ATM: variants seen among roughly 807,000 people sequenced by gnomAD.
The protein encoded by ATM is serine-protein kinase ATM.
ATM carries 308 observed loss-of-function variants against 387.0 expected under a neutral mutation model. That is an observed-to-expected ratio of 0.80 (90% CI 0.73 to 0.87). The LOEUF (loss-of-function observed/expected upper bound fraction) is 0.87, where lower values mean the gene tolerates loss of function less well. ATM is among the 40% of genes least tolerant of loss of function. ATM has a pLI of 0.00. For synonymous variants in ATM, 1,156 were observed against 1,187.3 expected (o/e 0.97, Z 0.54); for missense variants, 3,312 against 3,560.9 (o/e 0.93, Z 1.78).
At chr11:108,262,133 T>C (rs370317581) in intron 16 of ATM, among the ~76,000 whole-genome samples, 21 of 151,934 alleles carry the variant, frequency 1.4e-4, no homozygotes, top group Admixed American at 3.9e-4. Context: ...ATACAGAGAA[T>C]GCCACAAAGA....
At chr11:108,300,052 A>G (rs898022657) in intron 34 of ATM, among the ~76,000 whole-genome samples, 167 bp downstream of exon 34, 1 of 152,186 alleles carries the variant, frequency 6.6e-6, no homozygotes, top group Non-Finnish European at 1.5e-5. Flanking sequence ...TATTTACCCT[A>G]CTATGTGCCA....
At chr11:108,237,702 G>A (rs1420633180) in intron 5 of ATM, among the ~76,000 whole-genome samples, 1 of 152,104 alleles carries the variant, frequency 6.6e-6, no homozygotes, top group East Asian at 1.9e-4. Context: ...TTTAGTGTGA[G>A]ATGAGAAGAA....
rs372017113 is a variant in ATM, at chr11:108,329,294, T to C, written c.7307+56T>C. 1.5e-5 allele frequency: 22 copies of C among 1,463,760 alleles called. No individual in the cohort carries two copies. The African/African-American group carries it at 2.8e-4, about 19-fold the overall frequency. The allele number at this position is 1,463,760 out of a possible 1,614,324, so 90.7% of individuals were successfully genotyped here. On this transcript the variant is annotated intron_variant, in intron 49 of 62. Coordinates refer to ENST00000675843, the MANE Select transcript of ATM (RefSeq NM_000051.4). ...TGTTCACCAGTTAACTGAGTGAGTG[T>C]TTTTGCATAGAAAGAGTGACTTGGT...
At chr11:108,223,868 C>G (rs1048155198) in intron 1 of ATM, 2 of 152,184 alleles carry the variant, frequency 1.3e-5, no homozygotes, top group Non-Finnish European at 2.9e-5. Flanking sequence ...AGGAAAAATG[C>G]GTGTAAAGGC....
chr11:108,339,241 G>T (rs750002583), intron 56 of ATM, among the ~76,000 whole-genome samples: 3 of 152,184 alleles, frequency 2.0e-5, no homozygotes, highest in Non-Finnish European at 2.9e-5. Context: ...AATCTTAGGT[G>T]TCAGAGGATT....
chr11:108,334,425 CTCTGT>C (rs2086611171), intron 54 of ATM, among the ~76,000 whole-genome samples: 1 of 152,154 alleles, frequency 6.6e-6, no homozygotes, highest in Non-Finnish European at 1.5e-5. Context: ...ATACACTTAG[CTCTGT>C]TCTAATATTC....
chr11:108,319,850 A>C, intron 43 of ATM, 104 bp from the exon 44 acceptor site: 1 of 778,618 alleles, frequency 1.3e-6, no homozygotes, highest in South Asian at 1.6e-5. Context: ...TTTAGAATGG[A>C]GAAATGTTAA....
rs558110659 is a variant in ATM, at chr11:108,354,425, C to T, written c.8787-386C>T. On this transcript the variant is annotated intron_variant, in intron 60 of 62. Transcript: ENST00000675843. ...TGTGTTCTAGTATAACATTGTGCTA[C>T]TAAAAAAGCTTTGCAGTTCCTTGTA... Among the ~76,000 whole-genome samples, 35 of 152,246 alleles carry T rather than the reference C, an allele frequency of 2.3e-4. No individual in the cohort carries two copies. In the South Asian group the frequency reaches 6.6e-3, roughly 29 times the overall value.
chr11:108,301,755 C>T lies in ATM; in HGVS notation c.5285C>T (p.Ala1762Val), dbSNP rs1272524343. The T allele has an allele frequency of 1.2e-6, 2 of 1,613,562 alleles. No individual in the cohort carries two copies. Among genetic ancestry groups the T allele is most frequent in the Non-Finnish European group, 1.7e-6 (2 of 1,179,718 alleles). The change falls in exon 35 of 63, where the codon GCC (alanine) becomes GTC (valine). Residue 1762 changes from alanine (A) to valine (V), a missense_variant. Ala to Val is a moderately conservative substitution (Grantham distance 64, BLOSUM62 0). Around this residue, in one of 4 missense-constraint regions of ATM, gnomAD observed 1,405 missense variants for 1,604.4 expected, o/e 0.88. Coordinates refer to ENST00000675843, the MANE Select transcript of ATM (RefSeq NM_000051.4). ...IYKMTTDPML[A>V]YLQPFRTSRK... ...AAGATGACAACAGATCCAATGCTGGCCTATCTACAGCCTTTTAGAACATCA... is the reference window on the plus strand; with the variant it reads ...AAGATGACAACAGATCCAATGCTGGTCTATCTACAGCCTTTTAGAACATCA...
chr11:108,234,422 T>C (rs2079167227), intron 4 of ATM, among the ~76,000 whole-genome samples: 1 of 152,226 alleles, frequency 6.6e-6, no homozygotes, highest in East Asian at 1.9e-4. Flanking sequence ...GTAAATATAA[T>C]TTACTGAAAA....
rs1213190389 is a variant in ATM at position 108,289,724 on chromosome 11, A to T, written c.4359A>T (p.Ile1453=). 1 of 1,613,674 alleles carries T rather than the reference A, an allele frequency of 6.2e-7. No individual in the cohort carries two copies. Among genetic ancestry groups the T allele is most frequent in the African/African-American group, 1.3e-5 (1 of 74,940 alleles). The change falls in exon 29 of 63, where the codon ATA becomes ATT. Residue 1453 remains isoleucine, a synonymous_variant. Transcript: ENST00000675843. The part of the protein sequence containing the change: ...HLFVSLLLKD[I]KSGLGGAWAF... ...TTGTTAGTTTATTACTGAAAGATAT[A>T]AAAAGTGGCTTAGGAGGAGCTTGGG... is the stretch of plus-strand genomic sequence containing the variant.
chr11:108,226,731 G>A (rs1208341834), intron 1 of ATM: 4 of 151,304 alleles, frequency 2.6e-5, no homozygotes, highest in East Asian at 1.9e-4. Flanking sequence ...TCTTTGAGAC[G>A]GAGTCTTGCT....
intron 59 of ATM, among the ~76,000 whole-genome samples, chr11:108,353,018 A>C (rs2089399441): frequency 6.6e-6 from 1 of 152,204 alleles, no homozygotes; most frequent in South Asian, 2.1e-4. Flanking sequence ...TCTTGACTGC[A>C]TCGATGTCAG....
Position 108,347,374 on chromosome 11 carries a change from TA to T in ATM, c.8671+13del. On this transcript the variant is annotated intron_variant, in intron 59 of 62. Coordinates refer to ENST00000675843, the MANE Select transcript of ATM (RefSeq NM_000051.4). ...TGTACATATAGATCTAGGTAAGTAA[TA>T]AAATCTATGTATCTATTCTTTTTAG... 1 of 1,561,832 alleles carries T rather than the reference TA, an allele frequency of 6.4e-7. No individual in the cohort carries two copies. The highest frequency in any genetic ancestry group is 8.8e-7 in the Non-Finnish European group (1 of 1,133,166).
At chr11:108,269,181 C>T (rs1005760296) in intron 18 of ATM, among the ~76,000 whole-genome samples, 2 of 152,154 alleles carry the variant, frequency 1.3e-5, no homozygotes, top group Non-Finnish European at 2.9e-5. Flanking sequence ...TCTGTTTAGC[C>T]ACAGTATAAT....
At chr11:108,332,729 C>G (rs762757009) in intron 52 of ATM, 33 bp from the exon 53 acceptor site, 5 of 1,601,684 alleles carry the variant, frequency 3.1e-6, no homozygotes, top group Non-Finnish European at 4.3e-6. Context: ...TTGGGTAGTT[C>G]CTTATGTAAT....
intron 37 of ATM, among the ~76,000 whole-genome samples, chr11:108,306,633 T>C (rs1182864150): frequency 6.6e-6 from 1 of 152,222 alleles, no homozygotes; most frequent in Non-Finnish European, 1.5e-5. Flanking sequence ...TTTTATTACC[T>C]TAAGTGAAAA....
chr11:108,281,092 T>A lies in ATM; in HGVS notation c.3500T>A (p.Ile1167Asn). The A allele has an allele frequency of 6.2e-7, 1 of 1,614,050 alleles. No homozygotes were observed. The highest frequency in any genetic ancestry group is 8.5e-7 in the Non-Finnish European group (1 of 1,179,972). ...LIAVVLSCSP[I>N]CEKQALFALC... ...GCTGTGGTTTTATCCTGTAGCCCTA[T>A]CTGCGAAAAACAGGCTTTGTTTGCC... Residue 1167 changes from isoleucine (I) to asparagine (N), a missense_variant, in exon 24 of 63, where the codon ATC becomes AAC. Transcript: ENST00000675843.
At chr11:108,244,264 C>T (rs1264687325) in intron 6 of ATM, 146 bp downstream of exon 6, 1 of 932,262 alleles carries the variant, frequency 1.1e-6, no homozygotes, top group Non-Finnish European at 1.6e-6. Context: ...AAAGAGACAA[C>T]CAAGTCCAAC....
Sources: gnomAD v4.1 joint callset for allele counts (sites outside exome capture counted in the v4.1 genomes callset) on GRCh38, gnomAD v4.1.1 for gene constraint, gnomAD v4.1.1 regional missense constraint, MANE v1.5 for transcripts, NCBI Gene and HGNC (gene_info 2026-07-23, HGNC 2026-07-21) for gene names.